Variants in TMEM178B observed in about 807,000 individuals in gnomAD.
The protein encoded by TMEM178B is transmembrane protein 178B.
A neutral mutation model predicts 31.0 loss-of-function variants in TMEM178B; 5 were observed. That is an observed-to-expected ratio of 0.16 (90% CI 0.08 to 0.34). The LOEUF is 0.34. TMEM178B is among the 10% of genes least tolerant of loss of function. The pLI is 1.00. For synonymous variants in TMEM178B, 164 were observed against 164.0 expected (o/e 1.00, Z 0.00); for missense variants, 275 against 400.3 (o/e 0.69, Z 2.67).
At chr7:141,384,497 G>C (rs1307660728) in intron 2 of TMEM178B, among the ~76,000 whole-genome samples, 1 of 152,028 alleles carries the variant, frequency 6.6e-6, no homozygotes, top group Non-Finnish European at 1.5e-5. Flanking sequence ...TCTTGTTTTT[G>C]TCAGGTTTGT....
Position 141,074,459 on chromosome 7 carries a change from G to A in TMEM178B, c.149G>A (p.Arg50Gln), listed in dbSNP as rs1794563125. Residue 50 changes from arginine to glutamine, a missense_variant, in exon 1 of 4, where the codon CGG becomes CAG. Coordinates refer to ENST00000565468, the MANE Select transcript of TMEM178B (RefSeq NM_001195278.2). This position sits in a 1 kb window ranked among gnomAD's most constrained non-coding sequence, Gnocchi z 5.1. ...AGGTGCAAGGCCTTCAACACCCGCC[G>A]GGTCGACCCCGGCTTCATTTACAAC... ...RDRCKAFNTRRVDPGFIYNNN... is the reference protein window; with the variant it reads ...RDRCKAFNTRQVDPGFIYNNN... The A allele has an allele frequency of 1.3e-6, 2 of 1,535,982 alleles. No individual in the cohort carries two copies. The highest frequency in any genetic ancestry group is 2.7e-5 in the African/African-American group (2 of 73,062).
At chr7:141,109,717 T>C (rs73501155) in intron 1 of TMEM178B, among the ~76,000 whole-genome samples, 5 of 152,198 alleles carry the variant, frequency 3.3e-5, no homozygotes, top group South Asian at 2.1e-4. Flanking sequence ...GGTAGTTAAT[T>C]TGGGAGAAGC....
At chr7:141,482,243 G>A (rs766208416), downstream of TMEM178B, among the ~76,000 whole-genome samples, 17 of 152,194 alleles carry the variant, frequency 1.1e-4, no homozygotes, top group African/African-American at 9.6e-5. Flanking sequence ...TCCAAGAGCC[G>A]TAACCAAGCC....
intron 2 of TMEM178B, among the ~76,000 whole-genome samples, chr7:141,430,505 G>A (rs1801405111): frequency 6.6e-6 from 1 of 152,188 alleles, no homozygotes; most frequent in Non-Finnish European, 1.5e-5. Flanking sequence ...TGTGGAAACA[G>A]ACCCAGAGAC....
At chr7:141,144,392 AAAAAT>A (rs1350582634) in intron 1 of TMEM178B, among the ~76,000 whole-genome samples, 4 of 152,212 alleles carry the variant, frequency 2.6e-5, no homozygotes, top group Admixed American at 6.5e-5. Context: ...TTCTTATGCC[AAAAAT>A]AAAATAAAAA....
chr7:141,362,205 G>A (rs528314579), intron 2 of TMEM178B, among the ~76,000 whole-genome samples: 20 of 152,346 alleles, frequency 1.3e-4, no homozygotes, highest in South Asian at 6.2e-4. Context: ...TGCAATCTTC[G>A]TCTGGCACTG....
chr7:141,301,136 G>A (rs922779865), intron 2 of TMEM178B, among the ~76,000 whole-genome samples: 6 of 152,182 alleles, frequency 3.9e-5, no homozygotes, highest in Non-Finnish European at 8.8e-5. Flanking sequence ...TAGAAAGAAT[G>A]CTCCACCACC....
chr7:141,229,559 T>A (rs1797407541), intron 2 of TMEM178B, among the ~76,000 whole-genome samples: 1 of 152,126 alleles, frequency 6.6e-6, no homozygotes, highest in East Asian at 1.9e-4. Flanking sequence ...AACATAATTA[T>A]TATAGAAAAA....
chr7:141,133,591 A>T (rs552059258), intron 1 of TMEM178B, among the ~76,000 whole-genome samples: 1 of 152,300 alleles, frequency 6.6e-6, no homozygotes, highest in Non-Finnish European at 1.5e-5. Flanking sequence ...TCCACACAGG[A>T]TGTCATAAAG....
intron 2 of TMEM178B, among the ~76,000 whole-genome samples, chr7:141,294,148 G>T (rs758298587): frequency 6.6e-6 from 1 of 152,146 alleles, no homozygotes; most frequent in Non-Finnish European, 1.5e-5. Flanking sequence ...AATGGTTCTT[G>T]CTCACTCCCA....
intron 2 of TMEM178B, among the ~76,000 whole-genome samples, chr7:141,366,635 T>C (rs541135537): frequency 5.4e-4 from 82 of 152,354 alleles, no homozygotes; most frequent in African/African-American, 1.9e-3. Context: ...ATCCTCTTTA[T>C]GGGGCCATTT....
chr7:141,201,711 GTGA>G (rs1796879893), intron 1 of TMEM178B, among the ~76,000 whole-genome samples: 3 of 152,148 alleles, frequency 2.0e-5, no homozygotes, highest in Non-Finnish European at 2.9e-5. Context: ...ATGCGGGCTA[GTGA>G]GCACTCTGAG....
At chr7:141,108,712 G>C (rs2129174777) in intron 1 of TMEM178B, among the ~76,000 whole-genome samples, 1 of 152,256 alleles carries the variant, frequency 6.6e-6, no homozygotes, top group Middle Eastern at 3.4e-3. Flanking sequence ...TGTGGTCCCA[G>C]GTATAACATG....
At chr7:141,500,434 CT>C in the TMEM178B span, among the ~76,000 whole-genome samples, 2 of 152,064 alleles carry the variant, frequency 1.3e-5, no homozygotes, top group Non-Finnish European at 2.9e-5. Context: ...TGAAAGAAAC[CT>C]TTTTCTTAGG....
intron 2 of TMEM178B, among the ~76,000 whole-genome samples, chr7:141,328,491 C>G (rs375049250): frequency 6.6e-6 from 1 of 152,190 alleles, no homozygotes; most frequent in Non-Finnish European, 1.5e-5. Context: ...GATGAGACAG[C>G]TGGGCCACTG....
At chr7:141,395,656 C>A (rs1231373129) in intron 2 of TMEM178B, among the ~76,000 whole-genome samples, 1 of 152,240 alleles carries the variant, frequency 6.6e-6, no homozygotes, top group East Asian at 1.9e-4. Context: ...GAGGTGATGG[C>A]GTCTGGCTCT....
intron 2 of TMEM178B, among the ~76,000 whole-genome samples, chr7:141,322,034 AGAC>A (rs1324783515): frequency 2.6e-5 from 4 of 152,188 alleles, no homozygotes; most frequent in Non-Finnish European, 5.9e-5. Context: ...AAATCAAGTT[AGAC>A]GCTTACAGAT....
chr7:141,411,075 A>G (rs1800979529), intron 2 of TMEM178B, among the ~76,000 whole-genome samples: 1 of 151,502 alleles, frequency 6.6e-6, no homozygotes, highest in Non-Finnish European at 1.5e-5. Context: ...TAAAAAAAGA[A>G]AAATTTTTAA....
At chr7:141,088,823 T>A (rs560233080) in intron 1 of TMEM178B, among the ~76,000 whole-genome samples, 2 of 152,246 alleles carry the variant, frequency 1.3e-5, no homozygotes, top group African/African-American at 4.8e-5. Flanking sequence ...AGAAAAAAAA[T>A]AAACCTTAAA....
Sources: gnomAD v4.1 joint callset for allele counts (sites outside exome capture counted in the v4.1 genomes callset) on GRCh38, gnomAD v4.1.1 for gene constraint, Gnocchi (gnomAD v3.1) non-coding constraint, MANE v1.5 for transcripts, NCBI Gene and HGNC (gene_info 2026-07-23, HGNC 2026-07-21) for gene names.